WDFY3: variants seen among roughly 807,000 people sequenced by gnomAD.
The protein encoded by WDFY3 is WD repeat and FYVE domain-containing protein 3.
A neutral mutation model predicts 409.6 loss-of-function variants in WDFY3; 66 were observed. The ratio of observed to expected loss-of-function variants is 0.16; its 90% CI spans 0.13 to 0.20. The LOEUF is 0.20. Ranked by LOEUF, WDFY3 falls within the 10% of genes least tolerant of loss-of-function variation. The pLI is 1.00. For missense variants in WDFY3, 3,031 were observed against 4,298.1 expected (o/e 0.71, Z 8.24); for synonymous variants, 1,521 against 1,537.1 (o/e 0.99, Z 0.25).
intron 3 of WDFY3, among the ~76,000 whole-genome samples, chr4:84,888,331 G>T (rs1426736785): frequency 6.6e-6 from 1 of 152,144 alleles, no homozygotes; most frequent in African/African-American, 2.4e-5. Context: ...TTTAAGCCCA[G>T]AAGTTCCAGA....
chr4:84,951,470 C>T (rs946578845), intron 1 of WDFY3, among the ~76,000 whole-genome samples: 21 of 152,094 alleles, frequency 1.4e-4, no homozygotes, highest in African/African-American at 5.1e-4. Flanking sequence ...TTGTATTGAT[C>T]CTTTAAATGA....
At chr4:84,827,362 A>G (rs1362792304) in intron 9 of WDFY3, among the ~76,000 whole-genome samples, 1 of 152,180 alleles carries the variant, frequency 6.6e-6, no homozygotes, top group African/African-American at 2.4e-5. Flanking sequence ...TTTAGTTTTT[A>G]CAATATTTAT....
At chr4:84,818,375 T>C (rs1753612967) in intron 12 of WDFY3, among the ~76,000 whole-genome samples, 1 of 152,168 alleles carries the variant, frequency 6.6e-6, no homozygotes, top group African/African-American at 2.4e-5. Context: ...CCTTACGTTT[T>C]TAGGGCATCT....
chr4:84,703,341 C>T lies in WDFY3; in HGVS notation c.8443-835G>A, dbSNP rs117852996. ...AATAGAAAAGGGATATTTTTCACTA[C>T]GCAGCCTCACAGGTACACTATCCAT... On this transcript the variant is annotated intron_variant, in intron 55 of 67. Transcript: ENST00000295888. 8.8e-4 allele frequency among the ~76,000 whole-genome samples: 134 copies of T among 152,284 alleles called. No individual in the cohort carries two copies. The East Asian group carries it at 0.014, about 16-fold the overall frequency.
intron 31 of WDFY3, 103 bp downstream of exon 31, chr4:84,766,149 T>TA (rs1418486894): frequency 1.5e-5 from 23 of 1,488,192 alleles, no homozygotes; most frequent in East Asian, 2.3e-5. Flanking sequence ...ATTTCAGGGT[T>TA]AAAAAAATCT....
Position 84,821,541 on chromosome 4 carries a change from C to T in WDFY3, c.1134G>A (p.Val378=). The T allele has an allele frequency of 6.2e-7, 1 of 1,611,552 alleles. No individual in the cohort carries two copies. Among genetic ancestry groups the T allele is most frequent in the Non-Finnish European group, 8.5e-7 (1 of 1,178,648 alleles). ...GAACTGCAAAGGCCTGGACGTTTCT[C>T]ACACTGTGACCTAGAACAGAAAAGA... The part of the protein sequence containing the change: ...VPQPAGKGHS[V]RNVQAFAVLQ... Residue 378 remains valine (V), a synonymous_variant, in exon 11 of 68, where the codon GTG becomes GTA. Coordinates refer to ENST00000295888, the MANE Select transcript of WDFY3 (RefSeq NM_014991.6).
chr4:84,812,604 C>T (rs985541763), intron 13 of WDFY3, among the ~76,000 whole-genome samples: 1 of 152,052 alleles, frequency 6.6e-6, no homozygotes, highest in African/African-American at 2.4e-5. Flanking sequence ...CAAAAACATA[C>T]TGGGAGAAAA....
Position 84,718,340 on chromosome 4 carries a change from T to C in WDFY3, c.7754+82A>G. ...ATAACATTACCTAGAACACAATTTT[T>C]TGATTAAAAAAGAAAACTGCAAATA... On this transcript the variant is annotated intron_variant, in intron 48 of 67. Transcript: ENST00000295888. 2.0e-6 allele frequency: 3 copies of C among 1,464,960 alleles called. No individual in the cohort carries two copies. The South Asian group carries it at 4.5e-5, about 22-fold the overall frequency. The allele number at this position is 1,464,960 out of a possible 1,614,324, so 90.7% of individuals were successfully genotyped here.
At chr4:84,793,508 TG>T (rs1040159207) in intron 21 of WDFY3, among the ~76,000 whole-genome samples, 2 of 152,202 alleles carry the variant, frequency 1.3e-5, no homozygotes, top group African/African-American at 4.8e-5. Context: ...CATGAAGAGC[TG>T]GTCAAGTACA....
intron 24 of WDFY3, among the ~76,000 whole-genome samples, chr4:84,785,386 A>G (rs1387087346): frequency 6.6e-6 from 1 of 152,020 alleles, no homozygotes; most frequent in Admixed American, 6.6e-5. Flanking sequence ...GTGGCCTGTT[A>G]CCTCATCCCT....
At position 84,931,180 on chromosome 4, in the gene WDFY3, G is replaced by A. The variant is rs924097725; in HGVS notation, c.-132+1090C>T. Among the ~76,000 whole-genome samples, 10 of 152,246 alleles carry A rather than the reference G, an allele frequency of 6.6e-5. No individual in the cohort carries two copies. In the South Asian group the frequency reaches 1.0e-3, roughly 16 times the overall value. ...CCCTCTCTGATAAGGGGAGACTATCGCACATGTGGAAGAAGTACTACTATA... is the reference window on the plus strand; with the variant it reads ...CCCTCTCTGATAAGGGGAGACTATCACACATGTGGAAGAAGTACTACTATA... On this transcript the variant is annotated intron_variant, in intron 2 of 67. Transcript: ENST00000295888.
At position 84,713,839 on chromosome 4, in the gene WDFY3, C is replaced by CTG. The variant is rs1235492954; in HGVS notation, c.7962-602_7962-601dup. On this transcript the variant is annotated intron_variant, in intron 50 of 67. Transcript: ENST00000295888. ...TTTCCTTTTTTAAAAAATTTATAGG[C>CTG]TGTGTGTGGTGGCTCACGCCTGTAA... Among the ~76,000 whole-genome samples, 5 of 152,222 alleles carry CTG rather than the reference C, an allele frequency of 3.3e-5. No individual in the cohort carries two copies. In the South Asian group the frequency reaches 6.2e-4, roughly 19 times the overall value.
At chr4:84,889,564 T>G (rs1277009221) in intron 3 of WDFY3, among the ~76,000 whole-genome samples, 1 of 152,170 alleles carries the variant, frequency 6.6e-6, no homozygotes, top group Non-Finnish European at 1.5e-5. Flanking sequence ...CTAGCAAGAA[T>G]AGGCGGCAGC....
chr4:84,904,249 C>CATTT, intron 2 of WDFY3, among the ~76,000 whole-genome samples: 1 of 152,128 alleles, frequency 6.6e-6, no homozygotes, highest in South Asian at 2.1e-4. Flanking sequence ...TTCATTCATT[C>CATTT]ATTTATTTGA....
chr4:84,719,947 A>T (rs1308768058), intron 47 of WDFY3, among the ~76,000 whole-genome samples: 1 of 152,222 alleles, frequency 6.6e-6, no homozygotes, highest in Admixed American at 6.5e-5. Flanking sequence ...ATTTCTAGTG[A>T]CTACTTCTTA....
chr4:84,751,840 T>C (rs1350566838), intron 35 of WDFY3, 124 bp from the exon 36 acceptor site: 1 of 987,950 alleles, frequency 1.0e-6, no homozygotes, highest in African/African-American at 1.6e-5. Context: ...CAGCACATTA[T>C]TTCACTCTGC....
At chr4:84,799,339 T>TATATA (rs59396701) in intron 17 of WDFY3, among the ~76,000 whole-genome samples, 1 of 132,648 alleles carries the variant, frequency 7.5e-6, no homozygotes, top group Non-Finnish European at 1.6e-5. Context: ...TATATATATA[T>TATATA]TTTTTTTTTT....
At chr4:84,733,246 G>T in intron 44 of WDFY3, 136 bp downstream of exon 44, 1 of 976,108 alleles carries the variant, frequency 1.0e-6, no homozygotes, top group Non-Finnish European at 1.5e-6. Context: ...CCACTCTGAA[G>T]TTATCAATTT....
intron 2 of WDFY3, among the ~76,000 whole-genome samples, chr4:84,927,993 G>T (rs374234735): frequency 2.0e-5 from 3 of 152,296 alleles, no homozygotes; most frequent in African/African-American, 7.2e-5. Context: ...AGAATGATTG[G>T]GGTGTCCCAG....
Sources: gnomAD v4.1 joint callset for allele counts (sites outside exome capture counted in the v4.1 genomes callset) on GRCh38, gnomAD v4.1.1 for gene constraint, MANE v1.5 for transcripts, NCBI Gene and HGNC (gene_info 2026-07-23, HGNC 2026-07-21) for gene names.